Variants in RSBN1 observed in about 807,000 individuals in gnomAD.
RSBN1 encodes round spermatid basic protein 1, also known as lysine-specific demethylase 9.
RSBN1 carries 23 observed loss-of-function variants against 74.8 expected under a neutral mutation model. The observed-to-expected ratio is 0.31, with a 90% CI of 0.22 to 0.44. The LOEUF is 0.44. RSBN1 is among the 20% of genes least tolerant of loss of function. RSBN1 has a pLI of 1.00. For synonymous variants in RSBN1, 407 were observed against 379.6 expected (o/e 1.07, Z -0.84); for missense variants, 808 against 1,020.9 (o/e 0.79, Z 2.84).
chr1:113,781,219 A>G (rs1293664729), intron 2 of RSBN1, among the ~76,000 whole-genome samples: 1 of 152,174 alleles, frequency 6.6e-6, no homozygotes, highest in African/African-American at 2.4e-5. Flanking sequence ...GCACCAAGAT[A>G]TATATACCTT....
Position 113,767,139 on chromosome 1 carries a change from T to C in RSBN1, c.1895A>G (p.Gln632Arg). Residue 632 changes from glutamine (Q) to arginine (R), a missense_variant, in exon 6 of 7, where the codon CAA becomes CGA. Physicochemically the swap from Gln to Arg is conservative, Grantham distance 43 (BLOSUM62 1). Coordinates refer to ENST00000261441, the MANE Select transcript of RSBN1 (RefSeq NM_018364.5). The stretch of plus-strand genomic sequence containing the variant: ...TTCATGAAGATCTAACTGAAGTCTT[T>C]GTACAACATCAGTAAAATCCTCAGC... ...FHAEDFTDVV[Q>R]RLQLDLHEPP... 6.2e-7 allele frequency: 1 copy of C among 1,611,936 alleles called. No homozygotes were observed. Among genetic ancestry groups the C allele is most frequent in the Non-Finnish European group, 8.5e-7 (1 of 1,178,692 alleles).
At position 113,766,411 on chromosome 1, in the gene RSBN1, G is replaced by A. The variant is rs1659782338; in HGVS notation, c.1978C>T (p.Arg660Trp). 6.2e-7 allele frequency: 1 copy of A among 1,613,696 alleles called. No homozygotes were observed. The change falls in exon 7 of 7, where the codon CGG becomes TGG. Residue 660 changes from arginine (R) to tryptophan (W), a missense_variant. Coordinates refer to ENST00000261441, the MANE Select transcript of RSBN1 (RefSeq NM_018364.5). ...ATTCTAGCATAACGAATGCCTTCCC[G>A]CCTCATTTGGTTTAGTTTAGCTTCA... Reference protein sequence around the residue: ...VDEAKLNQMRREGIRYARIQL... With the variant: ...VDEAKLNQMRWEGIRYARIQL...
intron 1 of RSBN1, among the ~76,000 whole-genome samples, chr1:113,803,829 A>G (rs1387199012): frequency 6.6e-6 from 1 of 151,902 alleles, no homozygotes; most frequent in African/African-American, 2.4e-5. Flanking sequence ...TAGGCCAGGT[A>G]CAGTGCCTCA....
In RSBN1 at chr1:113,797,789, C is replaced by T; in HGVS notation, c.951G>A (p.Leu317=). The T allele has an allele frequency of 6.2e-7, 1 of 1,614,100 alleles. No individual in the cohort carries two copies. Among genetic ancestry groups the T allele is most frequent in the Non-Finnish European group, 8.5e-7 (1 of 1,180,008 alleles). Residue 317 remains leucine, a synonymous_variant, in exon 2 of 7, where the codon CTG becomes CTA. Transcript: ENST00000261441. The part of the protein sequence containing the change: ...ESFRYLKDEQ[L]CRLNLGMQEY... ...CTTGCATACCCAAATTTAATCGGCA[C>T]AGCTGTTCATCTTTCAGATACCTGA...
At chr1:113,766,505 C>A in intron 6 of RSBN1, 52 bp from the exon 7 acceptor site, 1 of 1,177,298 alleles carries the variant, frequency 8.5e-7, no homozygotes, top group South Asian at 1.4e-5. Flanking sequence ...ATAATTTAGT[C>A]AAGTGAAATA....
chr1:113,787,955 A>G lies in RSBN1; in HGVS notation c.1377+9408T>C, dbSNP rs552429998. On this transcript the variant is annotated intron_variant, in intron 2 of 6. Coordinates refer to ENST00000261441, the MANE Select transcript of RSBN1 (RefSeq NM_018364.5). ...TGTTTGATGAAAACATAACCAGAAG[A>G]CTAAAATAAAAATAAAAAAGAACTT... Among the ~76,000 whole-genome samples, 330 of 152,284 alleles carry G rather than the reference A, an allele frequency of 2.2e-3. 1 individual carries two copies. The highest frequency in any genetic ancestry group is 4.3e-3 in the Admixed American group (66 of 15,296).
chr1:113,805,073 A>C (rs919413622), intron 1 of RSBN1, among the ~76,000 whole-genome samples: 12 of 152,130 alleles, frequency 7.9e-5, no homozygotes, highest in Non-Finnish European at 1.6e-4. Flanking sequence ...AATAATTAAA[A>C]AGAAGCATTA....
In RSBN1 at chr1:113,811,769, T is replaced by C; in HGVS notation, c.644A>G (p.Asp215Gly). The change falls in exon 1 of 7, where the codon GAC (aspartate) becomes GGC (glycine). Residue 215 changes from aspartate (D) to glycine (G), a missense_variant. By Grantham distance (94) the Asp-to-Gly change is moderately conservative (BLOSUM62 -1). Transcript: ENST00000261441. ...SSCGTDLKHK[D>G]KQENGERTGG... ...AGTCCTCTCGCCGTTTTCCTGCTTGTCCTTGTGCTTGAGATCGGTTCCGCA... is the reference window on the plus strand; with the variant it reads ...AGTCCTCTCGCCGTTTTCCTGCTTGCCCTTGTGCTTGAGATCGGTTCCGCA... 1 of 1,613,544 alleles carries C rather than the reference T, an allele frequency of 6.2e-7. No homozygotes were observed.
At chr1:113,794,384 C>G (rs1246221434) in intron 2 of RSBN1, among the ~76,000 whole-genome samples, 1 of 152,140 alleles carries the variant, frequency 6.6e-6, no homozygotes, top group Non-Finnish European at 1.5e-5. Context: ...TCACCAATGA[C>G]TCCCAATTAT....
At chr1:113,776,810 CAAAA>C (rs58152175) in intron 4 of RSBN1, among the ~76,000 whole-genome samples, 7 of 90,248 alleles carry the variant, frequency 7.8e-5, no homozygotes, top group Admixed American at 2.5e-4. Flanking sequence ...GACCCTATCT[CAAAA>C]AAAAAAAAAA....
In RSBN1 at chr1:113,762,824, GT is replaced by G. The variant is rs1659704958; in HGVS notation, c.*3155del. On this transcript the variant is annotated 3_prime_UTR_variant, in exon 7 of 7. Transcript: ENST00000261441. Reference sequence around the variant, plus strand: ...CTGATGCAAGACATCTTTTCCTAAAGTTTAGTAAACAACTTTAATAAGCTCC... The same window carrying G: ...CTGATGCAAGACATCTTTTCCTAAAGTTAGTAAACAACTTTAATAAGCTCC... 1 of 152,698 alleles carries G rather than the reference GT, an allele frequency of 6.5e-6. No individual in the cohort carries two copies. The highest frequency in any genetic ancestry group is 1.5e-5 in the Non-Finnish European group (1 of 68,006). 9.5% of individuals were successfully genotyped at this position (152,698 alleles called of 1,614,324 possible).
At chr1:113,784,877 G>A (rs2101805282) in intron 2 of RSBN1, among the ~76,000 whole-genome samples, 1 of 152,302 alleles carries the variant, frequency 6.6e-6, no homozygotes, top group South Asian at 2.1e-4. Context: ...GAGTGAATGT[G>A]AAGGCCTAGG....
chr1:113,801,755 A>G (rs952418850), intron 1 of RSBN1, among the ~76,000 whole-genome samples: 15 of 152,238 alleles, frequency 9.9e-5, no homozygotes, highest in Admixed American at 9.2e-4. Flanking sequence ...ACATATAAAG[A>G]GAAATACATA....
At chr1:113,773,291 G>T (rs781584894) in intron 4 of RSBN1, among the ~76,000 whole-genome samples, 14 of 152,218 alleles carry the variant, frequency 9.2e-5, no homozygotes, top group Admixed American at 9.2e-4. Context: ...TTGGCAGGCC[G>T]AAGTGGCTAG....
intron 1 of RSBN1, among the ~76,000 whole-genome samples, chr1:113,807,255 A>C (rs1462530032): frequency 1.3e-5 from 2 of 150,356 alleles, no homozygotes; most frequent in Non-Finnish European, 3.0e-5. Context: ...TGGAGGTTGC[A>C]GTGAGCCAGG....
intron 1 of RSBN1, among the ~76,000 whole-genome samples, chr1:113,809,537 T>C (rs1660786938): frequency 6.6e-6 from 1 of 152,240 alleles, no homozygotes. Context: ...TTCAAAACTT[T>C]TAAAATGCCA....
In RSBN1 at chr1:113,766,093, G is replaced by C; in HGVS notation, c.2296C>G (p.Leu766Val). ...GTCTTCTGATCTTGCTGTAGATTAA[G>C]TTCTGATGCAGGTGGGAAAGATGAT... ...ASSSFPPASE[L>V]NLQQDQKTQP... The change falls in exon 7 of 7, where the codon CTT becomes GTT. Residue 766 changes from leucine to valine, a missense_variant. By Grantham distance (32) the Leu-to-Val change is conservative. Around this residue, in one of 6 missense-constraint regions of RSBN1, gnomAD observed 91 missense variants for 99.6 expected, o/e 0.91. Transcript: ENST00000261441. The C allele has an allele frequency of 6.2e-7, 1 of 1,614,086 alleles. No homozygotes were observed. Among genetic ancestry groups the C allele is most frequent in the Non-Finnish European group, 8.5e-7 (1 of 1,179,954 alleles).
At chr1:113,788,259 A>G (rs1442719731) in intron 2 of RSBN1, among the ~76,000 whole-genome samples, 1 of 152,128 alleles carries the variant, frequency 6.6e-6, no homozygotes. Flanking sequence ...ACAATTAATA[A>G]AAGTTTCAGA....
intron 5 of RSBN1, chr1:113,768,005 A>G: frequency 2.5e-6 from 1 of 407,386 alleles, no homozygotes; most frequent in Non-Finnish European, 4.4e-6. Context: ...GTGAGTATAG[A>G]GTTACAGCCT....
Sources: allele counts gnomAD v4.1 joint callset (sites outside exome capture counted in the v4.1 genomes callset), GRCh38; gene constraint gnomAD v4.1.1; regional missense constraint gnomAD v4.1.1; transcripts MANE v1.5; gene names NCBI Gene and HGNC (gene_info 2026-07-23, HGNC 2026-07-21).